Variants in QSER1 observed in about 807,000 individuals in gnomAD.
QSER1 encodes the protein glutamine and serine-rich protein 1.
Under a neutral mutation model 158.5 loss-of-function variants are expected in QSER1, and 49 were observed. That is an observed-to-expected ratio of 0.31 (90% CI 0.25 to 0.39). QSER1 has a LOEUF of 0.39. Among genes scored for constraint, QSER1 ranks in the 10% least tolerant of loss-of-function variants. The pLI is 1.00. For synonymous variants in QSER1, 650 were observed against 715.5 expected (o/e 0.91, Z 1.46); for missense variants, 1,754 against 2,010.3 (o/e 0.87, Z 2.44).
chr11:32,954,231 C>T (rs971315367), intron 5 of QSER1, 52 bp downstream of exon 5: 12 of 1,554,098 alleles, frequency 7.7e-6, no homozygotes, highest in Middle Eastern at 3.8e-4. Context: ...AGTGTGCCTG[C>T]GATAGCCTTC....
chr11:32,919,321 A>C (rs1851872560), intron 1 of QSER1, among the ~76,000 whole-genome samples: 1 of 152,172 alleles, frequency 6.6e-6, no homozygotes, highest in South Asian at 2.1e-4. Context: ...GAGTATTGCT[A>C]TGTTGCTCAG....
intron 4 of QSER1, among the ~76,000 whole-genome samples, chr11:32,951,745 A>G (rs1477093636): frequency 6.6e-6 from 1 of 151,952 alleles, no homozygotes; most frequent in Non-Finnish European, 1.5e-5. Context: ...AAATGTATAG[A>G]AATACATGTG....
intron 8 of QSER1, 110 bp downstream of exon 8, chr11:32,958,196 T>C: frequency 1.1e-6 from 1 of 875,062 alleles, no homozygotes; most frequent in Admixed American, 2.6e-5. Context: ...GGAATTTATC[T>C]ACCTAATAAA....
rs778194960 is a variant in QSER1, at chr11:32,953,932, G to A, written c.4253G>A (p.Gly1418Asp). The A allele has an allele frequency of 1.2e-6, 2 of 1,614,038 alleles. No individual in the cohort carries two copies. The highest frequency in any genetic ancestry group is 8.5e-7 in the Non-Finnish European group (1 of 1,180,030). ...GCTACTACTTCCTCAACCACTGTGG[G>A]TGCAGTTAAGCAAGAACCTCTCCAC... ...GTATTSSTTV[G>D]AVKQEPLHST... Residue 1418 changes from glycine (G) to aspartate (D), a missense_variant, in exon 5 of 13, where the codon GGT (glycine) becomes GAT (aspartate). This residue lies in a region of QSER1 where 1,707 missense variants were observed against 1,919.6 expected (regional missense o/e 0.89). Transcript: ENST00000650167.
chr11:32,896,063 C>T (rs1398136253), intron 1 of QSER1, among the ~76,000 whole-genome samples: 4 of 152,164 alleles, frequency 2.6e-5, no homozygotes, highest in East Asian at 1.9e-4. Context: ...AATTTCAGTT[C>T]GTTTTAGGAA....
intron 8 of QSER1, among the ~76,000 whole-genome samples, chr11:32,964,747 C>T (rs868548957): frequency 0.027 from 2,446 of 92,166 alleles, 113 homozygotes; most frequent in African/African-American, 0.083. Context: ...TATACACACA[C>T]ACACACACAC....
At chr11:32,959,212 T>A (rs536448563) in intron 8 of QSER1, among the ~76,000 whole-genome samples, 24 of 152,356 alleles carry the variant, frequency 1.6e-4, no homozygotes, top group Non-Finnish European at 3.1e-4. Flanking sequence ...TTTGCATATT[T>A]CCATACAGTT....
chr11:32,963,691 GTC>G (rs1179161491), intron 8 of QSER1, among the ~76,000 whole-genome samples: 1 of 151,956 alleles, frequency 6.6e-6, no homozygotes, highest in Non-Finnish European at 1.5e-5. Context: ...TTAGAGAGAG[GTC>G]TCACTCTGTC....
intron 4 of QSER1, among the ~76,000 whole-genome samples, chr11:32,940,237 C>T (rs973755170): frequency 6.6e-6 from 1 of 152,136 alleles, no homozygotes; most frequent in African/African-American, 2.4e-5. Context: ...ACAGATTTTC[C>T]CCTTACTGTT....
chr11:32,912,215 C>T (rs1052966257), intron 1 of QSER1, among the ~76,000 whole-genome samples: 1 of 152,214 alleles, frequency 6.6e-6, no homozygotes, highest in African/African-American at 2.4e-5. Context: ...CTCTTTAACA[C>T]CTCAAACTCA....
Position 32,934,714 on chromosome 11 carries a change from T to C in QSER1, c.3456T>C (p.Ser1152=), listed in dbSNP as rs200456176. 6.2e-7 allele frequency: 1 copy of C among 1,613,334 alleles called. No individual in the cohort carries two copies. Among genetic ancestry groups the C allele is most frequent in the Non-Finnish European group, 8.5e-7 (1 of 1,179,808 alleles). ...SISGENATSE[S]EFTLGGDDSG... is the part of the protein sequence containing the mutation. ...GTGGAGAGAATGCTACATCAGAGAG[T>C]GAATTTACCTTAGGGGGTGACGACA... Residue 1152 remains serine (S), a synonymous_variant, in exon 4 of 13, where the codon AGT becomes AGC. Transcript: ENST00000650167.
chr11:32,911,938 G>A lies in QSER1; in HGVS notation c.210-15219G>A, dbSNP rs560094163. ...AGTGGTACTTCAGTTGAGTTGCAAG[G>A]AATTTTGATTTGCAGATAAGTAACA... On this transcript the variant is annotated intron_variant, in intron 1 of 12. Transcript: ENST00000650167. Among the ~76,000 whole-genome samples, 12 of 152,252 alleles carry A rather than the reference G, an allele frequency of 7.9e-5. No homozygotes were observed. The East Asian group carries it at 2.1e-3, about 27-fold the overall frequency.
At chr11:32,963,313 G>A (rs891650880) in intron 8 of QSER1, among the ~76,000 whole-genome samples, 2 of 151,294 alleles carry the variant, frequency 1.3e-5, no homozygotes, top group African/African-American at 4.9e-5. Flanking sequence ...TAATTTTTTT[G>A]TATTTTTTAG....
chr11:32,913,225 T>C (rs1191679224), intron 1 of QSER1, among the ~76,000 whole-genome samples: 2 of 147,730 alleles, frequency 1.4e-5, no homozygotes, highest in African/African-American at 5.0e-5. Flanking sequence ...GAGTCTTGCT[T>C]TGTCGCCCAG....
intron 1 of QSER1, among the ~76,000 whole-genome samples, chr11:32,917,821 C>CAAAAAA (rs371007117): frequency 3.7e-5 from 3 of 80,822 alleles, no homozygotes; most frequent in African/African-American, 5.3e-5. Flanking sequence ...GACTCTGTCT[C>CAAAAAA]AAAAAAAAAA....
intron 1 of QSER1, chr11:32,925,889 A>G (rs1021482460): frequency 6.6e-6 from 1 of 152,204 alleles, no homozygotes; most frequent in Non-Finnish European, 1.5e-5. Context: ...ATCGTCAGTA[A>G]TGAGACAAAC....
Position 32,976,528 on chromosome 11 carries a change from G to C in QSER1, c.*54G>C. 1 of 1,584,678 alleles carries C rather than the reference G, an allele frequency of 6.3e-7. No homozygotes were observed. The highest frequency in any genetic ancestry group is 8.6e-7 in the Non-Finnish European group (1 of 1,162,228). On this transcript the variant is annotated 3_prime_UTR_variant, in exon 13 of 13. Coordinates refer to ENST00000650167, the MANE Select transcript of QSER1 (RefSeq NM_001076786.3). ...AGCACTAATGAAATGGCAGATATGG[G>C]GTGGTCAAAGATAATCAGATGTCAA...
At chr11:32,962,993 A>G (rs1272131101) in intron 8 of QSER1, among the ~76,000 whole-genome samples, 1 of 152,132 alleles carries the variant, frequency 6.6e-6, no homozygotes, top group African/African-American at 2.4e-5. Context: ...AACTCACACA[A>G]CTGTATGGGT....
chr11:32,977,001 C>T lies in QSER1; in HGVS notation c.*527C>T, dbSNP rs1023864411. On this transcript the variant is annotated 3_prime_UTR_variant, in exon 13 of 13. Transcript: ENST00000650167. ...CAATTTAAAATATAAAATTTGGAAA[C>T]TATTCTGCTTTACAGACTCCTTTTA... is the stretch of plus-strand genomic sequence containing the variant. 6.5e-6 allele frequency: 1 copy of T among 152,758 alleles called. No homozygotes were observed. The highest frequency in any genetic ancestry group is 2.4e-5 in the African/African-American group (1 of 41,422). The allele number at this position is 152,758 out of a possible 1,614,324, so 9.5% of individuals were successfully genotyped here.
Sources: gnomAD v4.1 joint callset for allele counts (sites outside exome capture counted in the v4.1 genomes callset) on GRCh38, gnomAD v4.1.1 for gene constraint, gnomAD v4.1.1 regional missense constraint, MANE v1.5 for transcripts, NCBI Gene and HGNC (gene_info 2026-07-23, HGNC 2026-07-21) for gene names.